Variants in MYO16 observed in about 807,000 individuals in gnomAD.
MYO16 encodes unconventional myosin-XVI.
A neutral mutation model predicts 205.3 loss-of-function variants in MYO16; 94 were observed. The ratio of observed to expected loss-of-function variants is 0.46; its 90% CI spans 0.39 to 0.54. The LOEUF (loss-of-function observed/expected upper bound fraction) is 0.54, where lower values mean the gene tolerates loss of function less well. Among genes scored for constraint, MYO16 ranks in the 20% least tolerant of loss-of-function variants. MYO16 has a pLI of 0.00. For synonymous variants in MYO16, 988 were observed against 954.0 expected (o/e 1.04, Z -0.66); for missense variants, 2,315 against 2,387.5 (o/e 0.97, Z 0.63).
At chr13:108,724,002 G>T (rs371737427) in intron 3 of MYO16, among the ~76,000 whole-genome samples, 1 of 152,026 alleles carries the variant, frequency 6.6e-6, no homozygotes, top group Admixed American at 6.6e-5. Flanking sequence ...TCTCACTAAC[G>T]TTTTGTTGAT....
intron 10 of MYO16, among the ~76,000 whole-genome samples, chr13:108,845,874 C>A (rs1877492170): frequency 8.8e-6 from 1 of 114,284 alleles, no homozygotes; most frequent in South Asian, 2.4e-4. Context: ...CCACCATTCT[C>A]TGCCATTTTT....
chr13:109,156,018 T>G (rs1878001119), intron 32 of MYO16, among the ~76,000 whole-genome samples: 1 of 151,822 alleles, frequency 6.6e-6, no homozygotes, highest in Non-Finnish European at 1.5e-5. Flanking sequence ...TAGAAGCTTA[T>G]AAAGTAGGAT....
At chr13:108,779,175 C>G (rs374486296) in intron 4 of MYO16, among the ~76,000 whole-genome samples, 3 of 152,156 alleles carry the variant, frequency 2.0e-5, no homozygotes, top group African/African-American at 7.2e-5. Context: ...CACTGGCATG[C>G]GCCTCAGCAG....
chr13:108,975,479 AC>A (rs1884220747), intron 20 of MYO16, among the ~76,000 whole-genome samples: 1 of 152,188 alleles, frequency 6.6e-6, no homozygotes, highest in Admixed American at 6.6e-5. Flanking sequence ...ATTGAGGTCA[AC>A]TTGGGCAGGT....
intron 16 of MYO16, among the ~76,000 whole-genome samples, chr13:108,914,892 T>C (rs1261516133): frequency 6.6e-6 from 1 of 152,110 alleles, no homozygotes; most frequent in African/African-American, 2.4e-5. Context: ...ATCCACCTGC[T>C]TCAGCCTCCC....
chr13:108,998,745 A>G (rs983131705), intron 21 of MYO16, among the ~76,000 whole-genome samples: 1 of 152,172 alleles, frequency 6.6e-6, no homozygotes, highest in Non-Finnish European at 1.5e-5. Context: ...TCGCGAATCT[A>G]GAGGGTGACA....
At chr13:108,550,839 A>G in the MYO16 span, among the ~76,000 whole-genome samples, 389 of 152,330 alleles carry the variant, frequency 2.6e-3, 2 homozygotes, top group African/African-American at 8.4e-3. Flanking sequence ...CATCTTTGCC[A>G]GCAATGGTAA....
intron 1 of MYO16, among the ~76,000 whole-genome samples, chr13:108,647,189 A>G (rs550360796): frequency 5.2e-4 from 79 of 152,096 alleles, no homozygotes; most frequent in Non-Finnish European, 8.8e-4. Flanking sequence ...GCAATTCACC[A>G]TCTCTCAAAG....
intron 2 of MYO16, among the ~76,000 whole-genome samples, chr13:108,706,750 A>C (rs1277922326): frequency 6.6e-6 from 1 of 152,238 alleles, no homozygotes; most frequent in Non-Finnish European, 1.5e-5. Flanking sequence ...CTGGCCACGA[A>C]GACCTTGGAC....
intron 16 of MYO16, among the ~76,000 whole-genome samples, chr13:108,942,120 T>G (rs1229438532): frequency 6.6e-6 from 1 of 152,228 alleles, no homozygotes; most frequent in Non-Finnish European, 1.5e-5. Context: ...CTGCATTTGA[T>G]AGTTGATTGT....
chr13:109,183,682 A>G (rs1372742060), intron 34 of MYO16, among the ~76,000 whole-genome samples: 2 of 152,278 alleles, frequency 1.3e-5, no homozygotes, highest in South Asian at 4.1e-4. Flanking sequence ...TTTCTTGCCA[A>G]GTTTTTAAAA....
At chr13:109,110,585 A>G (rs1465094507) in intron 28 of MYO16, among the ~76,000 whole-genome samples, 3 of 152,238 alleles carry the variant, frequency 2.0e-5, no homozygotes, top group Non-Finnish European at 2.9e-5. Flanking sequence ...GTCTATTTAT[A>G]ACAAAGAGAA....
chr13:108,672,262 A>C (rs1266331382), intron 2 of MYO16, among the ~76,000 whole-genome samples: 1 of 152,212 alleles, frequency 6.6e-6, no homozygotes, highest in African/African-American at 2.4e-5. Context: ...ATTTTTATTT[A>C]TCTTTAAGCT....
At chr13:109,078,393 C>T (rs532746650) in intron 27 of MYO16, among the ~76,000 whole-genome samples, 23 of 152,022 alleles carry the variant, frequency 1.5e-4, no homozygotes, top group Admixed American at 3.9e-4. Context: ...GAGCTGAGAT[C>T]TCATGCCACT....
chr13:108,981,958 A>G (rs577941964), intron 20 of MYO16, among the ~76,000 whole-genome samples: 160 of 152,336 alleles, frequency 1.1e-3, no homozygotes, highest in African/African-American at 3.6e-3. Context: ...TTGGTCTGTC[A>G]TCTTCTGGGC....
chr13:109,065,314 C>T (rs555323143), intron 27 of MYO16, among the ~76,000 whole-genome samples: 1 of 152,142 alleles, frequency 6.6e-6, no homozygotes, highest in Non-Finnish European at 1.5e-5. Context: ...TGTATAGCCC[C>T]AATTTGAGAC....
chr13:108,996,160 T>C (rs1022165358), intron 21 of MYO16, among the ~76,000 whole-genome samples: 1 of 152,160 alleles, frequency 6.6e-6, no homozygotes, highest in Non-Finnish European at 1.5e-5. Context: ...CTATTCACAA[T>C]AGCAAAATTA....
chr13:108,882,637 T>C (rs1879673548), intron 12 of MYO16, among the ~76,000 whole-genome samples: 1 of 152,242 alleles, frequency 6.6e-6, no homozygotes, highest in Non-Finnish European at 1.5e-5. Context: ...TAAACTTATA[T>C]GCATTTCAGC....
rs1247896803 is a variant in MYO16, at chr13:108,888,572, G to A, written c.1659+95G>A. 3 of 680,248 alleles carry A rather than the reference G, an allele frequency of 4.4e-6. No homozygotes were observed. In the Admixed American group the frequency reaches 1.1e-4, roughly 25 times the overall value. 42.1% of individuals were successfully genotyped at this position (680,248 alleles called of 1,614,324 possible). On this transcript the variant is annotated intron_variant, in intron 14 of 34. Coordinates refer to ENST00000457511, the MANE Select transcript of MYO16 (RefSeq NM_001198950.3). ...GGAGGGGACATCATAATAGATACAA[G>A]GGGGTTCAAAATTTGTGGAAATAAA... is the stretch of plus-strand genomic sequence containing the variant.
Sources: allele counts gnomAD v4.1 joint callset (sites outside exome capture counted in the v4.1 genomes callset), GRCh38; gene constraint gnomAD v4.1.1; transcripts MANE v1.5; gene names NCBI Gene and HGNC (gene_info 2026-07-23, HGNC 2026-07-21).